The following FSIP2 variants were observed in gnomAD, a reference collection of about 807,000 sequenced individuals.
The protein encoded by FSIP2 is fibrous sheath-interacting protein 2.
Under a neutral mutation model 510.5 loss-of-function variants are expected in FSIP2, and 367 were observed. That is an observed-to-expected ratio of 0.72 (90% CI 0.66 to 0.78). The LOEUF (loss-of-function observed/expected upper bound fraction) is 0.78, where lower values mean the gene tolerates loss of function less well. Among genes scored for constraint, FSIP2 ranks in the 30% least tolerant of loss-of-function variants. The pLI is 0.00. For missense variants in FSIP2, 7,594 were observed against 7,901.7 expected (o/e 0.96, Z 1.48); for synonymous variants, 2,601 against 2,732.2 (o/e 0.95, Z 1.50).
chr2:185,765,596 C>T (rs375740946), intron 13 of FSIP2: 10 of 152,020 alleles, frequency 6.6e-5, no homozygotes, highest in African/African-American at 2.2e-4. Context: ...CAGCTTTGTT[C>T]TTTTGGCTTA....
At position 185,805,327 on chromosome 2, in the gene FSIP2, C is replaced by T. The variant is rs1318660565; in HGVS notation, c.16021C>T (p.Pro5341Ser). Residue 5341 changes from proline to serine, a missense_variant, in exon 17 of 23, where the codon CCA becomes TCA. By Grantham distance (74) the Pro-to-Ser change is moderately conservative. Coordinates refer to ENST00000424728, the MANE Select transcript of FSIP2 (RefSeq NM_173651.4). ...LPNAEKMFSF[P>S]PIDKETVDKI... ...AAATGCTGAAAAAATGTTTTCTTTT[C>T]CACCAATTGATAAAGAGACAGTTGA... 6.3e-7 allele frequency: 1 copy of T among 1,597,494 alleles called. No homozygotes were observed. The highest frequency in any genetic ancestry group is 8.5e-7 in the Non-Finnish European group (1 of 1,173,946).
chr2:185,822,899 C>T (rs1380831409), intron 19 of FSIP2, among the ~76,000 whole-genome samples: 1 of 151,898 alleles, frequency 6.6e-6, no homozygotes, highest in African/African-American at 2.4e-5. Flanking sequence ...GAGATAAACT[C>T]TTCCATACAT....
Position 185,796,286 on chromosome 2 carries a change from T to C in FSIP2, c.9150T>C (p.Ser3050=), listed in dbSNP as rs1693275294. The C allele has an allele frequency of 6.5e-7, 1 of 1,533,246 alleles. No homozygotes were observed. Among genetic ancestry groups the C allele is most frequent in the Non-Finnish European group, 8.7e-7 (1 of 1,145,348 alleles). The allele number at this position is 1,533,246 out of a possible 1,614,324, so 95.0% of individuals were successfully genotyped here. ...LPKLQPLKMF[S]DKSESNTINF... is the part of the protein sequence containing the mutation. ...AATTACAACCACTGAAAATGTTTTC[T>C]GATAAATCCGAGTCAAATACTATTA... Residue 3050 remains serine (S), a synonymous_variant, in exon 16 of 23, where the codon TCT becomes TCC. Transcript: ENST00000424728.
Position 185,792,141 on chromosome 2 carries a change from G to T in FSIP2, c.5005G>T (p.Val1669Leu), listed in dbSNP as rs868575315. The T allele has an allele frequency of 6.5e-7, 1 of 1,533,378 alleles. No homozygotes were observed. The highest frequency in any genetic ancestry group is 8.7e-7 in the Non-Finnish European group (1 of 1,145,294). 95.0% of individuals were successfully genotyped at this position (1,533,378 alleles called of 1,614,324 possible). ...GACCTCATCAGATTTGAAGACAAGT[G>T]TAGAAAACCCACCACCTGAGACTCA... Reference protein sequence around the residue: ...NVTSSDLKTSVENPPPETQIL... With the variant: ...NVTSSDLKTSLENPPPETQIL... Residue 1669 changes from valine (V) to leucine (L), a missense_variant, in exon 16 of 23, where the codon GTA (valine) becomes TTA (leucine). Coordinates refer to ENST00000424728, the MANE Select transcript of FSIP2 (RefSeq NM_173651.4).
Position 185,797,244 on chromosome 2 carries a change from G to A in FSIP2, c.10108G>A (p.Val3370Ile), listed in dbSNP as rs1279378899. The A allele has an allele frequency of 6.5e-6, 10 of 1,534,818 alleles. No individual in the cohort carries two copies. The highest frequency in any genetic ancestry group is 8.7e-6 in the Non-Finnish European group (10 of 1,146,230). Residue 3370 changes from valine (V) to isoleucine (I), a missense_variant, in exon 16 of 23, where the codon GTA becomes ATA. By Grantham distance (29) the Val-to-Ile change is conservative. Transcript: ENST00000424728. ...FISKQSSLSE[V>I]SGGQKDNEKS... is the part of the protein sequence containing the mutation. ...ATCAAAACAAAGCTCTTTATCTGAAGTATCTGGAGGGCAAAAGGATAACGA... is the reference window on the plus strand; with the variant it reads ...ATCAAAACAAAGCTCTTTATCTGAAATATCTGGAGGGCAAAAGGATAACGA...
Position 185,804,727 on chromosome 2 carries a change from G to C in FSIP2, c.15421G>C (p.Glu5141Gln). 6.5e-7 allele frequency: 1 copy of C among 1,530,348 alleles called. No individual in the cohort carries two copies. The highest frequency in any genetic ancestry group is 8.7e-7 in the Non-Finnish European group (1 of 1,144,308). 94.8% of individuals were successfully genotyped at this position (1,530,348 alleles called of 1,614,324 possible). A position where few individuals can be genotyped will look rare whatever the true frequency, so the allele number is the denominator to read the frequency against. ...AACTCACACTGAAAATGAACTAAAAGAGAAAAAGTTTCCACCGGATGATGA... is the reference window on the plus strand; with the variant it reads ...AACTCACACTGAAAATGAACTAAAACAGAAAAAGTTTCCACCGGATGATGA... ...PSTHTENELKEKKFPPDDEFV... is the reference protein window; with the variant it reads ...PSTHTENELKQKKFPPDDEFV... The change falls in exon 17 of 23, where the codon GAG becomes CAG. Residue 5141 changes from glutamate to glutamine, a missense_variant. Glu to Gln is a conservative substitution (Grantham distance 29, BLOSUM62 2). Transcript: ENST00000424728.
chr2:185,740,984 C>G (rs1691911872), intron 2 of FSIP2, among the ~76,000 whole-genome samples: 1 of 152,100 alleles, frequency 6.6e-6, no homozygotes, highest in African/African-American at 2.4e-5. Context: ...TTAAAAAAAA[C>G]TAATCTGTTC....
chr2:185,757,370 C>G (rs1692264229), intron 9 of FSIP2, among the ~76,000 whole-genome samples: 1 of 151,326 alleles, frequency 6.6e-6, no homozygotes, highest in African/African-American at 2.4e-5. Flanking sequence ...TTTAATTAAA[C>G]ATGGTTGGGA....
chr2:185,816,337 G>A (rs187661130), intron 19 of FSIP2, among the ~76,000 whole-genome samples: 37 of 151,496 alleles, frequency 2.4e-4, no homozygotes, highest in African/African-American at 8.5e-4. Context: ...AGCTAGTAAT[G>A]TTGGAACCTC....
At position 185,761,983 on chromosome 2, in the gene FSIP2, GGTA is replaced by G; in HGVS notation, c.1207_1209del (p.Val403del). On this transcript the variant is annotated inframe_deletion, in exon 11 of 23. Transcript: ENST00000424728. Reference sequence around the variant, plus strand: ...GTGGTACCATGTAGAGAGATGGGATGGTATCTAAAAACTCAAGTATTTTCGATG... The same window carrying G: ...GTGGTACCATGTAGAGAGATGGGATGTCTAAAAACTCAAGTATTTTCGATG... 1 of 1,483,600 alleles carries G rather than the reference GGTA, an allele frequency of 6.7e-7. No individual in the cohort carries two copies. The highest frequency in any genetic ancestry group is 1.2e-5 in the South Asian group (1 of 81,560). 91.9% of individuals were successfully genotyped at this position (1,483,600 alleles called of 1,614,324 possible).
At chr2:185,786,468 G>A (rs1692980380) in intron 15 of FSIP2, among the ~76,000 whole-genome samples, 180 bp downstream of exon 15, 5 of 151,734 alleles carry the variant, frequency 3.3e-5, no homozygotes, top group Admixed American at 3.3e-4. Context: ...ACTTTTCTGT[G>A]GTCCAAAATT....
At position 185,747,196 on chromosome 2, in the gene FSIP2, C is replaced by A. The variant is rs955131980; in HGVS notation, c.760-117C>A. 2.6e-5 allele frequency: 16 copies of A among 606,722 alleles called. No homozygotes were observed. In the South Asian group the frequency reaches 3.0e-4, roughly 11 times the overall value. 37.6% of individuals were successfully genotyped at this position (606,722 alleles called of 1,614,324 possible). A position where few individuals can be genotyped will look rare whatever the true frequency, so the allele number is the denominator to read the frequency against. Reference sequence around the variant, plus strand: ...AACCGAACGTATGCCTTTCATTATGCTTAACCTGATTTCTGTTAGGCCCTG... The same window carrying A: ...AACCGAACGTATGCCTTTCATTATGATTAACCTGATTTCTGTTAGGCCCTG... On this transcript the variant is annotated intron_variant, in intron 6 of 22. Coordinates refer to ENST00000424728, the MANE Select transcript of FSIP2 (RefSeq NM_173651.4).
chr2:185,813,524 T>C (rs367644462), intron 17 of FSIP2, 21 bp from the exon 18 acceptor site: 2 of 1,460,418 alleles, frequency 1.4e-6, no homozygotes, highest in South Asian at 1.4e-5. Context: ...ATTTTAATAT[T>C]TGCTATACCT....
Position 185,804,573 on chromosome 2 carries a change from T to C in FSIP2, c.15267T>C (p.Asp5089=), listed in dbSNP as rs759804496. ...ESSSYSYPQA[D]NIIRNVLNII... is the part of the protein sequence containing the mutation. The stretch of plus-strand genomic sequence containing the variant: ...CTTCTTATTCGTATCCCCAAGCTGA[T>C]AATATCATCAGAAATGTGCTTAACA... Residue 5089 remains aspartate (D), a synonymous_variant, in exon 17 of 23, where the codon GAT becomes GAC. Transcript: ENST00000424728. 5 of 1,532,602 alleles carry C rather than the reference T, an allele frequency of 3.3e-6. No homozygotes were observed. The highest frequency in any genetic ancestry group is 3.5e-6 in the Non-Finnish European group (4 of 1,144,768). 94.9% of individuals were successfully genotyped at this position (1,532,602 alleles called of 1,614,324 possible). A position where few individuals can be genotyped will look rare whatever the true frequency, so the allele number is the denominator to read the frequency against.
chr2:185,739,073 C>A, intron 1 of FSIP2, 80 bp downstream of exon 1: 7 of 1,438,476 alleles, frequency 4.9e-6, no homozygotes, highest in Non-Finnish European at 6.4e-6. Context: ...TCGCCACACA[C>A]GGGTCGCGAG....
In FSIP2 at chr2:185,797,541, A is replaced by T. The variant is rs1693321505; in HGVS notation, c.10390+15A>T. 2 of 1,479,224 alleles carry T rather than the reference A, an allele frequency of 1.4e-6. No individual in the cohort carries two copies. The highest frequency in any genetic ancestry group is 2.7e-5 in the Admixed American group (1 of 37,430). 91.6% of individuals were successfully genotyped at this position (1,479,224 alleles called of 1,614,324 possible). ...TGAAACTACAGGTAAGCAAGAGAGA[A>T]CGTACCTAAAAATTTGCATGATTTA... On this transcript the variant is annotated intron_variant, in intron 16 of 22. Transcript: ENST00000424728.
chr2:185,813,900 A>G lies in FSIP2; in HGVS notation c.20183A>G (p.Glu6728Gly). The change falls in exon 18 of 23, where the codon GAA becomes GGA. Residue 6728 changes from glutamate to glycine, a missense_variant. Coordinates refer to ENST00000424728, the MANE Select transcript of FSIP2 (RefSeq NM_173651.4). ...CCQTTASANI[E>G]STEAISNQVI... ...CAGACCACAGCCAGTGCAAATATTG[A>G]AAGTACTGAAGCAATCTCAAATCAG... is the stretch of plus-strand genomic sequence containing the variant. The G allele has an allele frequency of 1.2e-6, 2 of 1,613,772 alleles. No homozygotes were observed. The highest frequency in any genetic ancestry group is 1.7e-6 in the Non-Finnish European group (2 of 1,179,796).
intron 13 of FSIP2, among the ~76,000 whole-genome samples, chr2:185,781,910 T>C (rs965621088): frequency 2.2e-4 from 33 of 152,028 alleles, no homozygotes; most frequent in Middle Eastern, 3.4e-3. Context: ...CGATCTCGGC[T>C]CACTGCAAGC....
rs769048363 is a variant in FSIP2 at position 185,792,137 on chromosome 2, A to G, written c.5001A>G (p.Thr1667=). 2.0e-5 allele frequency: 30 copies of G among 1,533,518 alleles called. No individual in the cohort carries two copies. Among genetic ancestry groups the G allele is most frequent in the Non-Finnish European group, 2.6e-5 (30 of 1,145,338 alleles). The allele number at this position is 1,533,518 out of a possible 1,614,324, so 95.0% of individuals were successfully genotyped here. ...ATGTGACCTCATCAGATTTGAAGAC[A>G]AGTGTAGAAAACCCACCACCTGAGA... ...ELNVTSSDLK[T]SVENPPPETQ... is the part of the protein sequence containing the mutation. The change falls in exon 16 of 23, where the codon ACA becomes ACG. Residue 1667 remains threonine (T), a synonymous_variant. Transcript: ENST00000424728.
Sources: gnomAD v4.1 joint callset for allele counts (sites outside exome capture counted in the v4.1 genomes callset) on GRCh38, gnomAD v4.1.1 for gene constraint, MANE v1.5 for transcripts, NCBI Gene and HGNC (gene_info 2026-07-23, HGNC 2026-07-21) for gene names.